Variants in TTI1 observed in about 807,000 individuals in gnomAD.
TTI1 encodes the protein TELO2-interacting protein 1 homolog.
Under a neutral mutation model 85.4 loss-of-function variants are expected in TTI1, and 52 were observed. The observed-to-expected ratio is 0.61, with a 90% CI of 0.49 to 0.77. The LOEUF is 0.77. Ranked by LOEUF, TTI1 falls within the 30% of genes least tolerant of loss-of-function variation. The pLI, the probability that TTI1 is intolerant of heterozygous loss-of-function variation, is 0.00. For synonymous variants in TTI1, 512 were observed against 503.9 expected, an observed-to-expected ratio of 1.02 and a Z score of -0.22; for missense variants, 1,173 against 1,296.0, an observed-to-expected ratio of 0.91 and a Z score of 1.46.
rs369293639 is a variant in TTI1 at position 38,011,751 on chromosome 20, T to A, written c.2066A>T (p.His689Leu). 22 of 1,614,164 alleles carry A rather than the reference T, an allele frequency of 1.4e-5. No homozygotes were observed. Among genetic ancestry groups the A allele is most frequent in the Middle Eastern group, 1.6e-4 (1 of 6,062 alleles). ...CRACGYDSLQ[H>L]LINQNSDYLV... Reference sequence around the variant, plus strand: ...ATAGTCTGAATTTTGATTGATCAGGTGCTGCAGGGAGTCGTAGCCACAAGC... The same window carrying A: ...ATAGTCTGAATTTTGATTGATCAGGAGCTGCAGGGAGTCGTAGCCACAAGC... Residue 689 changes from histidine (H) to leucine (L), a missense_variant, in exon 2 of 8, where the codon CAC (histidine) becomes CTC (leucine). By Grantham distance (99) the His-to-Leu change is moderately conservative. Coordinates refer to ENST00000373447, the MANE Select transcript of TTI1 (RefSeq NM_001303457.2).
chr20:38,029,404 C>T (rs2073877263), intron 1 of TTI1, among the ~76,000 whole-genome samples: 1 of 151,766 alleles, frequency 6.6e-6, no homozygotes, highest in Admixed American at 6.6e-5. Context: ...AGAACCTAGA[C>T]AAAGTAGAGC....
In TTI1 at chr20:38,013,507, G is replaced by C. The variant is rs1249320433; in HGVS notation, c.310C>G (p.Leu104Val). ...GGTTTTTGGGAGCTGGGTGAATACA[G>C]ACAAGCAGAGAGTTCTGAAAAGAGT... ...QELFSELSAC[L>V]YSPSSQKPAA... The change falls in exon 2 of 8, where the codon CTG becomes GTG. Residue 104 changes from leucine (L) to valine (V), a missense_variant. Transcript: ENST00000373447. The C allele has an allele frequency of 6.2e-7, 1 of 1,614,002 alleles. No individual in the cohort carries two copies. The highest frequency in any genetic ancestry group is 1.3e-5 in the African/African-American group (1 of 74,924).
Position 38,012,313 on chromosome 20 carries a change from A to G in TTI1, c.1504T>C (p.Tyr502His), listed in dbSNP as rs1343346428. The G allele has an allele frequency of 6.2e-7, 1 of 1,614,208 alleles. No individual in the cohort carries two copies. The highest frequency in any genetic ancestry group is 8.5e-7 in the Non-Finnish European group (1 of 1,180,048). Residue 502 changes from tyrosine to histidine, a missense_variant, in exon 2 of 8, where the codon TAT becomes CAT. Tyr to His is a moderately conservative substitution (Grantham distance 83). Transcript: ENST00000373447. The stretch of plus-strand genomic sequence containing the variant: ...TCCATAAAGTGATCCACAAGCAAAT[A>G]AAGATTCCCATAATAACCAAGTAGC... ...CQLLGYYGNL[Y>H]LLVDHFMELY...
At chr20:38,028,599 C>G (rs1422823086) in intron 1 of TTI1, among the ~76,000 whole-genome samples, 1 of 152,202 alleles carries the variant, frequency 6.6e-6, no homozygotes, top group African/African-American at 2.4e-5. Flanking sequence ...GATAGGATAA[C>G]TAGACCAAAA....
intron 1 of TTI1, among the ~76,000 whole-genome samples, chr20:38,023,332 C>T (rs1256335091): frequency 6.6e-6 from 1 of 152,216 alleles, no homozygotes; most frequent in African/African-American, 2.4e-5. Flanking sequence ...AACAATTTAA[C>T]TACAGATTCC....
chr20:38,012,734 T>C lies in TTI1; in HGVS notation c.1083A>G (p.Gln361=). The C allele has an allele frequency of 1.9e-6, 3 of 1,614,244 alleles. No individual in the cohort carries two copies. The highest frequency in any genetic ancestry group is 2.5e-6 in the Non-Finnish European group (3 of 1,180,056). The part of the protein sequence containing the change: ...CNKVLRHFAD[Q]KVVVGNKALA... ...GGGCTTTGTTGCCCACCACTACTTT[T>C]TGATCTGCAAAATGTCTCAGAACTT... The change falls in exon 2 of 8, where the codon CAA becomes CAG. Residue 361 remains glutamine, a synonymous_variant. Coordinates refer to ENST00000373447, the MANE Select transcript of TTI1 (RefSeq NM_001303457.2).
At chr20:38,002,477 A>T in intron 4 of TTI1, 151 bp downstream of exon 4, 1 of 1,023,658 alleles carries the variant, frequency 9.8e-7, no homozygotes, top group Non-Finnish European at 1.4e-6. Context: ...CTGTCACCCC[A>T]CAGACAAATT....
At chr20:38,028,979 T>C (rs1423611782) in intron 1 of TTI1, among the ~76,000 whole-genome samples, 4 of 152,128 alleles carry the variant, frequency 2.6e-5, no homozygotes, top group Admixed American at 2.6e-4. Context: ...AGTGTTAAGA[T>C]TACAGGCATG....
In TTI1 at chr20:38,011,910, T is replaced by C. The variant is rs1166543280; in HGVS notation, c.1907A>G (p.Gln636Arg). 4.3e-6 allele frequency: 7 copies of C among 1,614,232 alleles called. No homozygotes were observed. The highest frequency in any genetic ancestry group is 5.9e-6 in the Non-Finnish European group (7 of 1,180,038). Reference protein sequence around the residue: ...QICIQLEGIGQFAYALGKDFC... With the variant: ...QICIQLEGIGRFAYALGKDFC... ...GTCTTTTCCTAGTGCATATGCAAAC[T>C]GGCCAATTCCTTCCAACTGAATGCA... Residue 636 changes from glutamine (Q) to arginine (R), a missense_variant, in exon 2 of 8, where the codon CAG becomes CGG. By Grantham distance (43) the Gln-to-Arg change is conservative (BLOSUM62 1). Transcript: ENST00000373447.
intron 4 of TTI1, among the ~76,000 whole-genome samples, chr20:37,999,882 A>T (rs1352313431): frequency 6.6e-6 from 1 of 152,200 alleles, no homozygotes; most frequent in Non-Finnish European, 1.5e-5. Context: ...TTTATTTTGT[A>T]CTAAGTGCAG....
rs781761860 is a variant in TTI1, at chr20:38,013,660, G to C, written c.157C>G (p.Leu53Val). 6.2e-7 allele frequency: 1 copy of C among 1,614,228 alleles called. No individual in the cohort carries two copies. The highest frequency in any genetic ancestry group is 2.2e-5 in the East Asian group (1 of 44,888). The change falls in exon 2 of 8, where the codon CTC becomes GTC. Residue 53 changes from leucine to valine, a missense_variant. Leu to Val is a conservative substitution (Grantham distance 32, BLOSUM62 1). Coordinates refer to ENST00000373447, the MANE Select transcript of TTI1 (RefSeq NM_001303457.2). Reference protein sequence around the residue: ...SALQELQQYILFPLRFTLKTP... With the variant: ...SALQELQQYIVFPLRFTLKTP... ...TTCAGGGTAAATCGCAGAGGGAAGA[G>C]GATGTACTGCTGAAGTTCCTGAAGG...
At chr20:38,023,842 C>A (rs1262027863) in intron 1 of TTI1, among the ~76,000 whole-genome samples, 1 of 152,162 alleles carries the variant, frequency 6.6e-6, no homozygotes, top group African/African-American at 2.4e-5. Context: ...GTGCTAAATT[C>A]TTGACAAGGG....
chr20:37,983,530 G>A lies in TTI1; in HGVS notation c.3196C>T (p.Gln1066Ter). The A allele has an allele frequency of 6.2e-7, 1 of 1,612,166 alleles. No homozygotes were observed. Among genetic ancestry groups the A allele is most frequent in the Non-Finnish European group, 8.5e-7 (1 of 1,179,592 alleles). ...TPPHPSLHPV[Q>*]LHGASGQQNP... is the part of the protein sequence containing the mutation. The stretch of plus-strand genomic sequence containing the variant: ...TGCTGCCCGCTGGCCCCGTGCAGCT[G>A]CACAGGGTGGAGGCTGGGGTGGGGA... Residue 1066 changes from glutamine to a stop codon, truncating the protein, a stop_gained, in exon 8 of 8, where the codon CAG becomes TAG. Coordinates refer to ENST00000373447, the MANE Select transcript of TTI1 (RefSeq NM_001303457.2). LOFTEE classifies it low-confidence loss of function (END_TRUNC).
rs2073643972 is a variant in TTI1, at chr20:38,013,929, T to C, written c.-41-72A>G. Reference sequence around the variant, plus strand: ...TATGAAGTGAACTTGCATTCATTCATTCAACAGACATTTACCTGGGGTCTA... The same window carrying C: ...TATGAAGTGAACTTGCATTCATTCACTCAACAGACATTTACCTGGGGTCTA... On this transcript the variant is annotated intron_variant, in intron 1 of 7. Transcript: ENST00000373447. The C allele has an allele frequency of 4.1e-6, 6 of 1,468,200 alleles. No individual in the cohort carries two copies. The South Asian group carries it at 4.1e-5, about 10-fold the overall frequency. 90.9% of individuals were successfully genotyped at this position (1,468,200 alleles called of 1,614,324 possible). A position where few individuals can be genotyped will look rare whatever the true frequency, so the allele number is the denominator to read the frequency against.
At chr20:38,033,190 T>A (rs1363325331) in intron 1 of TTI1, among the ~76,000 whole-genome samples, 1 of 151,970 alleles carries the variant, frequency 6.6e-6, no homozygotes, top group East Asian at 1.9e-4. Flanking sequence ...GGCACGTGGG[T>A]GGCTTGGAAG....
At chr20:37,999,443 T>C (rs1188612991) in intron 4 of TTI1, 115 bp from the exon 5 acceptor site, 2 of 1,162,134 alleles carry the variant, frequency 1.7e-6, no homozygotes, top group East Asian at 3.1e-5. Context: ...AATTGTTTTC[T>C]GAGTGCTGAC....
At chr20:38,017,441 C>CGT (rs1568627166) in intron 1 of TTI1, among the ~76,000 whole-genome samples, 1 of 123,362 alleles carries the variant, frequency 8.1e-6, no homozygotes, top group African/African-American at 3.4e-5. Flanking sequence ...TGTGTGCGCG[C>CGT]GCGCCTTTGG....
chr20:37,989,478 C>T (rs1424932443), intron 7 of TTI1, among the ~76,000 whole-genome samples: 1 of 152,218 alleles, frequency 6.6e-6, no homozygotes, highest in Non-Finnish European at 1.5e-5. Context: ...CTGTTATAGA[C>T]AATTCAAAAA....
At chr20:38,021,865 G>A (rs1346092898) in intron 1 of TTI1, among the ~76,000 whole-genome samples, 6 of 152,218 alleles carry the variant, frequency 3.9e-5, no homozygotes, top group Non-Finnish European at 5.9e-5. Flanking sequence ...AATCTGTACA[G>A]GAGACGGTGT....
Sources: allele counts gnomAD v4.1 joint callset (sites outside exome capture counted in the v4.1 genomes callset), GRCh38; gene constraint gnomAD v4.1.1; transcripts MANE v1.5; gene names NCBI Gene and HGNC (gene_info 2026-07-23, HGNC 2026-07-21).